The following PLSCR4 variants were observed in gnomAD, a reference collection of about 807,000 sequenced individuals.
PLSCR4 encodes the protein phospholipid scramblase 4.
A neutral mutation model predicts 36.3 loss-of-function variants in PLSCR4; 25 were observed. That is an observed-to-expected ratio of 0.69 (90% CI 0.50 to 0.96). The LOEUF (loss-of-function observed/expected upper bound fraction) is 0.96, where lower values mean the gene tolerates loss of function less well. PLSCR4 is among the 40% of genes least tolerant of loss of function. The probability of loss-of-function intolerance (pLI) is 0.00; values close to 1 mark genes in which losing one functional copy is unlikely to be tolerated. For synonymous variants in PLSCR4, 122 were observed against 132.9 expected, an observed-to-expected ratio of 0.92 and a Z score of 0.56; for missense variants, 408 against 414.7, an observed-to-expected ratio of 0.98 and a Z score of 0.14.
intron 8 of PLSCR4, 145 bp from the exon 9 acceptor site, chr3:146,194,600 T>C (rs1308057896): frequency 2.5e-5 from 14 of 570,172 alleles, no homozygotes; most frequent in Non-Finnish European, 3.1e-6. Context: ...GAGCACCTAC[T>C]GTGAAGAGCA....
intron 1 of PLSCR4, among the ~76,000 whole-genome samples, chr3:146,233,335 C>A (rs891474626): frequency 1.3e-5 from 2 of 151,948 alleles, no homozygotes; most frequent in Non-Finnish European, 2.9e-5. Context: ...TATCACCAAA[C>A]CACAACACTA....
chr3:146,196,871 A>C, intron 6 of PLSCR4, 78 bp from the exon 7 acceptor site: 1 of 1,205,562 alleles, frequency 8.3e-7, no homozygotes. Flanking sequence ...TACACAATCT[A>C]GATGTGTCCT....
At chr3:146,244,476 T>A (rs572986288) in intron 1 of PLSCR4, among the ~76,000 whole-genome samples, 1 of 152,250 alleles carries the variant, frequency 6.6e-6, no homozygotes, top group Admixed American at 6.5e-5. Flanking sequence ...ACTTCTCAGT[T>A]TGTCTCTTTG....
At chr3:146,195,585 G>C (rs1482480507) in intron 7 of PLSCR4, among the ~76,000 whole-genome samples, 1 of 152,168 alleles carries the variant, frequency 6.6e-6, no homozygotes, top group East Asian at 1.9e-4. Context: ...ACATAGTAAA[G>C]GGTGGGAATT....
At chr3:146,241,997 G>C (rs561764750) in intron 1 of PLSCR4, among the ~76,000 whole-genome samples, 1 of 152,184 alleles carries the variant, frequency 6.6e-6, no homozygotes, top group Non-Finnish European at 1.5e-5. Context: ...TTGTATTCTT[G>C]TAACAAGTAG....
chr3:146,206,015 C>T (rs1301533543), intron 4 of PLSCR4, among the ~76,000 whole-genome samples: 1 of 152,002 alleles, frequency 6.6e-6, no homozygotes, highest in African/African-American at 2.4e-5. Context: ...GTCTCTGGAA[C>T]TTGGCCTGAA....
In PLSCR4 at chr3:146,199,959, T is replaced by G. The variant is rs762718165; in HGVS notation, c.478A>C (p.Thr160Pro). Residue 160 changes from threonine to proline, a missense_variant, in exon 6 of 9, where the codon ACA becomes CCA. Thr to Pro is a conservative substitution (Grantham distance 38). Transcript: ENST00000354952. The part of the protein sequence containing the change: ...DQMVYIVTED[T>P]DDFTRNAYRT... ...TAGGCATTCCTGGTAAAGTCATCTG[T>G]GTCTTCGGTTACAATGTAAACCATC... The G allele has an allele frequency of 2.4e-5, 39 of 1,613,454 alleles. No homozygotes were observed. The highest frequency in any genetic ancestry group is 3.3e-5 in the Non-Finnish European group (39 of 1,179,574).
rs1396149660 is a variant in PLSCR4 at position 146,214,126 on chromosome 3, T to TAA, written c.118+6688_118+6689insTT. ...CTGATTTGATATCTTCCTTTTTTTTTTTTTTTTTTTTTTGAGACGGAGTCT... is the reference window on the plus strand; with the variant it reads ...CTGATTTGATATCTTCCTTTTTTTTTAATTTTTTTTTTTTTGAGACGGAGTCT... On this transcript the variant is annotated intron_variant, in intron 3 of 8. Coordinates refer to ENST00000354952, the MANE Select transcript of PLSCR4 (RefSeq NM_020353.3). 5.1e-4 allele frequency among the ~76,000 whole-genome samples: 22 copies of TAA among 43,126 alleles called. 1 individual carries two copies. Among genetic ancestry groups the TAA allele is most frequent in the South Asian group, 1.2e-3 (1 of 846 alleles). The allele number at this position is 43,126 out of a possible 152,430, so 28.3% of individuals were successfully genotyped here.
At chr3:146,199,463 T>C (rs962544446) in intron 6 of PLSCR4, among the ~76,000 whole-genome samples, 1 of 152,148 alleles carries the variant, frequency 6.6e-6, no homozygotes, top group African/African-American at 2.4e-5. Context: ...TAAAAGCATA[T>C]GTTTATCTTT....
At chr3:146,222,995 A>AGAAGAAG (rs772875116) in intron 1 of PLSCR4, among the ~76,000 whole-genome samples, 3 of 152,164 alleles carry the variant, frequency 2.0e-5, no homozygotes, top group Non-Finnish European at 4.4e-5. Context: ...GTCATAGCCC[A>AGAAGAAG]AGGTAACTGA....
intron 1 of PLSCR4, among the ~76,000 whole-genome samples, chr3:146,244,448 C>G (rs556859857): frequency 1.3e-5 from 2 of 152,036 alleles, no homozygotes; most frequent in African/African-American, 4.8e-5. Flanking sequence ...TCTATCAGTG[C>G]CATTTTGCAG....
intron 1 of PLSCR4, among the ~76,000 whole-genome samples, chr3:146,224,086 G>A (rs2035317857): frequency 6.6e-6 from 1 of 151,804 alleles, no homozygotes; most frequent in African/African-American, 2.4e-5. Context: ...TAAGGAAAAT[G>A]ACTACAGCTT....
At chr3:146,230,118 C>T (rs547579522) in intron 1 of PLSCR4, among the ~76,000 whole-genome samples, 1 of 152,180 alleles carries the variant, frequency 6.6e-6, no homozygotes, top group East Asian at 1.9e-4. Context: ...AGGAAGTAGG[C>T]CCCTAAGCCT....
At chr3:146,245,585 A>C (rs1191538951) in intron 1 of PLSCR4, among the ~76,000 whole-genome samples, 1 of 152,066 alleles carries the variant, frequency 6.6e-6, no homozygotes, top group Admixed American at 6.6e-5. Flanking sequence ...TTTCCTTTAA[A>C]AATATAGTAA....
At position 146,206,549 on chromosome 3, in the gene PLSCR4, G is replaced by A. The variant is rs1439593837; in HGVS notation, c.331C>T (p.Pro111Ser). The change falls in exon 4 of 9, where the codon CCT becomes TCT. Residue 111 changes from proline (P) to serine (S), a missense_variant. Transcript: ENST00000354952. ...ACCTGAACTAAGTATTCCAGACCAG[G>A]AGGGCAGTTTGCCATAGGAGTTGGC... ...PGPTPMANCP[P>S]GLEYLVQLDN... 6.2e-7 allele frequency: 1 copy of A among 1,612,220 alleles called. No individual in the cohort carries two copies. The highest frequency in any genetic ancestry group is 1.7e-5 in the Admixed American group (1 of 59,924).
chr3:146,241,219 A>G (rs1160928806), intron 1 of PLSCR4, among the ~76,000 whole-genome samples: 2 of 152,200 alleles, frequency 1.3e-5, no homozygotes, highest in Non-Finnish European at 2.9e-5. Context: ...TCTTTTTGGA[A>G]TTATGAAATT....
chr3:146,249,098 CT>C (rs202048742), intron 1 of PLSCR4, among the ~76,000 whole-genome samples: 4 of 151,280 alleles, frequency 2.6e-5, no homozygotes, highest in African/African-American at 4.9e-5. Flanking sequence ...GCAAAATTAT[CT>C]TTTTTTTTCT....
chr3:146,242,586 C>T (rs2036196726), intron 1 of PLSCR4, among the ~76,000 whole-genome samples: 1 of 152,140 alleles, frequency 6.6e-6, no homozygotes, highest in Admixed American at 6.5e-5. Context: ...AAACTCAACT[C>T]AGTTAGTAGG....
intron 1 of PLSCR4, among the ~76,000 whole-genome samples, chr3:146,247,061 T>C (rs991735457): frequency 6.6e-5 from 10 of 152,196 alleles, no homozygotes; most frequent in Non-Finnish European, 1.5e-4. Context: ...TTTTCATTTA[T>C]TAAAATGTCT....
Sources: gnomAD v4.1 joint callset for allele counts (sites outside exome capture counted in the v4.1 genomes callset) on GRCh38, gnomAD v4.1.1 for gene constraint, MANE v1.5 for transcripts, NCBI Gene and HGNC (gene_info 2026-07-23, HGNC 2026-07-21) for gene names.